The following HCLS1 variants were observed in gnomAD, a reference collection of about 807,000 sequenced individuals.
HCLS1 encodes hematopoietic cell-specific Lyn substrate 1.
A neutral mutation model predicts 68.6 loss-of-function variants in HCLS1; 44 were observed. That is an observed-to-expected ratio of 0.64 (90% CI 0.50 to 0.82). HCLS1 has a LOEUF of 0.82. HCLS1 is among the 40% of genes least tolerant of loss of function. The probability of loss-of-function intolerance (pLI) is 0.00; values close to 1 mark genes in which losing one functional copy is unlikely to be tolerated. For missense variants in HCLS1, 602 were observed against 612.1 expected (o/e 0.98, Z 0.17); for synonymous variants, 217 against 225.8 (o/e 0.96, Z 0.35).
chr3:121,650,124 A>G (rs1937709822), intron 3 of HCLS1, among the ~76,000 whole-genome samples: 1 of 152,244 alleles, frequency 6.6e-6, no homozygotes, highest in Non-Finnish European at 1.5e-5. Context: ...TTAACAAAGT[A>G]TGTGCAAGAC....
chr3:121,634,555 G>A (rs1233170010), intron 9 of HCLS1, 137 bp from the exon 10 acceptor site: 44 of 786,972 alleles, frequency 5.6e-5, no homozygotes, highest in South Asian at 4.7e-4. Flanking sequence ...AAGAGGTATC[G>A]ATAGAGGAAC....
chr3:121,641,952 T>C (rs965705035), intron 6 of HCLS1, among the ~76,000 whole-genome samples: 44 of 140,164 alleles, frequency 3.1e-4, no homozygotes, highest in Non-Finnish European at 5.1e-4. Flanking sequence ...TAGTGGCGGG[T>C]GCCTGTAGTC....
intron 9 of HCLS1, 35 bp downstream of exon 9, chr3:121,635,700 G>A (rs1036820522): frequency 2.6e-6 from 4 of 1,517,498 alleles, no homozygotes; most frequent in African/African-American, 1.4e-5. Context: ...GGAGAAGGAA[G>A]TGAGGTGCAT....
In HCLS1 at chr3:121,631,858, C is replaced by T. The variant is rs2049100590; in HGVS notation, c.1449G>A (p.Lys483=). 1 of 1,614,162 alleles carries T rather than the reference C, an allele frequency of 6.2e-7. No individual in the cohort carries two copies. Among genetic ancestry groups the T allele is most frequent in the Non-Finnish European group, 8.5e-7 (1 of 1,180,018 alleles). ...HFGLFPANYV[K]LLE ...CAGTGAGCTCTAGTCACTCCAGAAG[C>T]TTGACATAATTTGCAGGGAAGAGTC... The change falls in exon 14 of 14, where the codon AAG becomes AAA. Residue 483 remains lysine (K), a synonymous_variant. Transcript: ENST00000314583.
At chr3:121,644,756 T>G (rs571402684) in intron 5 of HCLS1, 62 bp downstream of exon 5, 1 of 1,115,034 alleles carries the variant, frequency 9.0e-7, no homozygotes, top group East Asian at 2.3e-5. Context: ...CATCCAGGGG[T>G]GATCGTGGGC....
intron 4 of HCLS1, among the ~76,000 whole-genome samples, chr3:121,646,229 A>T (rs2049246414): frequency 9.2e-6 from 1 of 108,934 alleles, no homozygotes; most frequent in African/African-American, 3.8e-5. Context: ...TATTTTATAT[A>T]TTTATATATA....
At position 121,652,608 on chromosome 3, in the gene HCLS1, C is replaced by T. The variant is rs559154276; in HGVS notation, c.158+4671G>A. On this transcript the variant is annotated intron_variant, in intron 3 of 13. Coordinates refer to ENST00000314583, the MANE Select transcript of HCLS1 (RefSeq NM_005335.6). Reference sequence around the variant, plus strand: ...GGCAGAGGCGGAGGTTTCAGTGAGCCGAGATCGTACCACTGCACTCCAGCC... The same window carrying T: ...GGCAGAGGCGGAGGTTTCAGTGAGCTGAGATCGTACCACTGCACTCCAGCC... Among the ~76,000 whole-genome samples, 9 of 151,798 alleles carry T rather than the reference C, an allele frequency of 5.9e-5. No homozygotes were observed. In the South Asian group the frequency reaches 1.7e-3, roughly 28 times the overall value.
intron 9 of HCLS1, among the ~76,000 whole-genome samples, chr3:121,635,237 T>TCTCTCTC (rs2049138799): frequency 1.7e-5 from 2 of 114,446 alleles, no homozygotes; most frequent in Non-Finnish European, 3.4e-5. Context: ...TCTCTCCCTT[T>TCTCTCTC]TCTCTCTCTC....
At chr3:121,633,233 T>G (rs941680141) in intron 10 of HCLS1, 62 bp from the exon 11 acceptor site, 59 of 1,036,072 alleles carry the variant, frequency 5.7e-5, no homozygotes, top group Non-Finnish European at 7.8e-5. Flanking sequence ...TTTTTTTTTT[T>G]GAGATAGACT....
At chr3:121,650,710 A>C (rs1048203271) in intron 3 of HCLS1, among the ~76,000 whole-genome samples, 1 of 152,260 alleles carries the variant, frequency 6.6e-6, no homozygotes, top group African/African-American at 2.4e-5. Context: ...CAAAACATCA[A>C]AGAAAGTCTT....
intron 9 of HCLS1, 146 bp downstream of exon 9, chr3:121,635,589 A>C: frequency 2.9e-6 from 2 of 700,012 alleles, no homozygotes; most frequent in Non-Finnish European, 5.0e-6. Context: ...TTTCTAGGAA[A>C]GACAGAATCT....
chr3:121,658,450 C>CG, intron 1 of HCLS1, 103 bp from the exon 2 acceptor site: 66 of 855,888 alleles, frequency 7.7e-5, no homozygotes, highest in Middle Eastern at 2.3e-4. Flanking sequence ...TATTTCCTGC[C>CG]ATTTTTTTTT....
At position 121,633,052 on chromosome 3, in the gene HCLS1, T is replaced by C; in HGVS notation, c.1008+15A>G. ...AGATGGGGTGGGGGCAGAGAATCTT[T>C]GGGGGTTTGCTTACCTCCGGGAGAG... On this transcript the variant is annotated intron_variant, in intron 11 of 13. Coordinates refer to ENST00000314583, the MANE Select transcript of HCLS1 (RefSeq NM_005335.6). 2 of 1,553,344 alleles carry C rather than the reference T, an allele frequency of 1.3e-6. No homozygotes were observed. The highest frequency in any genetic ancestry group is 8.9e-7 in the Non-Finnish European group (1 of 1,125,866).
At chr3:121,658,068 CTT>C (rs1937912559) in intron 2 of HCLS1, 194 bp downstream of exon 2, 1 of 558,448 alleles carries the variant, frequency 1.8e-6, no homozygotes, top group South Asian at 2.2e-5. Context: ...ACACCTGTCT[CTT>C]TTCATCCCTG....
At chr3:121,646,308 TATATA>T (rs1354915815) in intron 4 of HCLS1, among the ~76,000 whole-genome samples, 4 of 105,510 alleles carry the variant, frequency 3.8e-5, no homozygotes, top group Non-Finnish European at 5.0e-5. Flanking sequence ...TTTATATACT[TATATA>T]ATATAATATA....
At chr3:121,635,237 T>TCTCTCTCTC (rs2049138799) in intron 9 of HCLS1, among the ~76,000 whole-genome samples, 3 of 114,340 alleles carry the variant, frequency 2.6e-5, no homozygotes, top group South Asian at 3.7e-4. Context: ...TCTCTCCCTT[T>TCTCTCTCTC]TCTCTCTCTC....
chr3:121,637,777 A>G (rs778156560), intron 6 of HCLS1, among the ~76,000 whole-genome samples: 1 of 152,126 alleles, frequency 6.6e-6, no homozygotes, highest in Non-Finnish European at 1.5e-5. Context: ...TCTACTAAAA[A>G]ATACAAAAAT....
chr3:121,635,546 G>T (rs1278076723), intron 9 of HCLS1, among the ~76,000 whole-genome samples, 189 bp downstream of exon 9: 2 of 152,022 alleles, frequency 1.3e-5, no homozygotes, highest in East Asian at 3.9e-4. Flanking sequence ...CAAAGTGCTG[G>T]GATTACAGAT....
At chr3:121,644,616 C>A (rs2049228305) in intron 5 of HCLS1, 1 of 683,264 alleles carries the variant, frequency 1.5e-6, no homozygotes, top group Non-Finnish European at 2.7e-6. Context: ...ATTTGAATCA[C>A]TGTCTTTCAG....
Sources: gnomAD v4.1 joint callset for allele counts (sites outside exome capture counted in the v4.1 genomes callset) on GRCh38, gnomAD v4.1.1 for gene constraint, MANE v1.5 for transcripts, NCBI Gene and HGNC (gene_info 2026-07-23, HGNC 2026-07-21) for gene names.